Variants in INPP5B observed in about 807,000 individuals in gnomAD.
INPP5B encodes inositol polyphosphate-5-phosphatase B, also known as type II inositol 1,4,5-trisphosphate 5-phosphatase.
INPP5B carries 90 observed loss-of-function variants against 118.5 expected under a neutral mutation model. That is an observed-to-expected ratio of 0.76 (90% CI 0.64 to 0.90). The LOEUF (loss-of-function observed/expected upper bound fraction) is 0.90, where lower values mean the gene tolerates loss of function less well. INPP5B is among the 40% of genes least tolerant of loss of function. The probability of loss-of-function intolerance (pLI) is 0.00; values close to 1 mark genes in which losing one functional copy is unlikely to be tolerated. For synonymous variants in INPP5B, 385 were observed against 418.9 expected (o/e 0.92, Z 0.99); for missense variants, 984 against 1,125.6 (o/e 0.87, Z 1.80).
At chr1:37,925,759 T>C (rs899639798) in intron 7 of INPP5B, among the ~76,000 whole-genome samples, 2 of 152,006 alleles carry the variant, frequency 1.3e-5, no homozygotes, top group Non-Finnish European at 2.9e-5. Flanking sequence ...CAAACTGTTT[T>C]CAGAAGAAAA....
chr1:37,906,752 C>T (rs887250008), intron 7 of INPP5B, among the ~76,000 whole-genome samples: 8 of 151,240 alleles, frequency 5.3e-5, no homozygotes, highest in Non-Finnish European at 8.8e-5. Context: ...CCCAGATACT[C>T]GGGAGGTTGA....
In INPP5B at chr1:37,886,938, T is replaced by C; in HGVS notation, c.1081A>G (p.Ile361Val). The change falls in exon 12 of 24, where the codon ATC becomes GTC. Residue 361 changes from isoleucine (I) to valine (V), a missense_variant. By Grantham distance (29) the Ile-to-Val change is conservative (BLOSUM62 3). Coordinates refer to ENST00000373024, the MANE Select transcript of INPP5B (RefSeq NM_005540.3). ...ACAGTCTCGGCTTCCACTTCTGAGATATAAGCTGCATGCTCCTGTTTGACA... is the reference window on the plus strand; with the variant it reads ...ACAGTCTCGGCTTCCACTTCTGAGACATAAGCTGCATGCTCCTGTTTGACA... ...LYVKQEHAAY[I>V]SEVEAETVGT... 6.2e-7 allele frequency: 1 copy of C among 1,614,186 alleles called. No homozygotes were observed. Among genetic ancestry groups the C allele is most frequent in the South Asian group, 1.1e-5 (1 of 91,084 alleles).
At chr1:37,864,278 C>T in intron 23 of INPP5B, 34 bp downstream of exon 23, 1 of 1,230,114 alleles carries the variant, frequency 8.1e-7, no homozygotes, top group Non-Finnish European at 1.2e-6. Flanking sequence ...TCTCAGTTTG[C>T]AGAAATGCTT....
chr1:37,909,536 C>T (rs892399120), intron 7 of INPP5B, among the ~76,000 whole-genome samples: 34 of 152,160 alleles, frequency 2.2e-4, no homozygotes, highest in African/African-American at 6.3e-4. Context: ...CTTTATCCAA[C>T]CTCTCCCAAA....
rs770035940 is a variant in INPP5B at position 37,862,318 on chromosome 1, G to A, written c.2739C>T (p.Leu913=). Reference sequence around the variant, plus strand: ...TAAAATAGGAGGAGAGAGAGGCTCAGAGTGGGTTGCAGAGGAACTGGTGAA... The same window carrying A: ...TAAAATAGGAGGAGAGAGAGGCTCAAAGTGGGTTGCAGAGGAACTGGTGAA... The part of the protein sequence containing the change: ...EFIHQFLCNP[L] The change falls in exon 24 of 24, where the codon CTC becomes CTT. Residue 913 remains leucine, a synonymous_variant. Transcript: ENST00000373024. 4 of 1,604,692 alleles carry A rather than the reference G, an allele frequency of 2.5e-6. No individual in the cohort carries two copies. The Admixed American group carries it at 6.7e-5, about 27-fold the overall frequency.
chr1:37,919,106 C>T (rs773656470), intron 7 of INPP5B, among the ~76,000 whole-genome samples: 1 of 152,156 alleles, frequency 6.6e-6, no homozygotes, highest in Non-Finnish European at 1.5e-5. Context: ...TGCATGAGGA[C>T]ATCATCATCA....
At position 37,938,385 on chromosome 1, in the gene INPP5B, C is replaced by T. The variant is rs528309009; in HGVS notation, c.391+2303G>A. Among the ~76,000 whole-genome samples the T allele has an allele frequency of 7.2e-5, 11 of 152,060 alleles. No homozygotes were observed. The South Asian group carries it at 1.7e-3, about 23-fold the overall frequency. The stretch of plus-strand genomic sequence containing the variant: ...GAAAAGTTCTTGGAATAGTGCCTAA[C>T]GCATGCCAAATCAACAATGAATGTG... On this transcript the variant is annotated intron_variant, in intron 6 of 23. Coordinates refer to ENST00000373024, the MANE Select transcript of INPP5B (RefSeq NM_005540.3).
intron 20 of INPP5B, among the ~76,000 whole-genome samples, chr1:37,867,647 T>C (rs1305662196): frequency 6.6e-6 from 1 of 152,210 alleles, no homozygotes; most frequent in Non-Finnish European, 1.5e-5. Context: ...TAAGAATGTA[T>C]ATTTTTTTAA....
chr1:37,946,883 G>A (rs889484217), intron 1 of INPP5B, 107 bp downstream of exon 1: 3 of 153,594 alleles, frequency 2.0e-5, no homozygotes, highest in African/African-American at 7.2e-5. Flanking sequence ...TGCAGGCCGG[G>A]GGTTGGGGGG....
intron 6 of INPP5B, among the ~76,000 whole-genome samples, chr1:37,939,686 A>G (rs28626364): frequency 0.44 from 66,738 of 151,556 alleles, 17,212 homozygotes; most frequent in Non-Finnish European, 0.58. Flanking sequence ...CTGGTGATCC[A>G]CCCGCCTTGG....
At chr1:37,892,125 CCT>C (rs1271920333) in intron 7 of INPP5B, among the ~76,000 whole-genome samples, 1 of 152,202 alleles carries the variant, frequency 6.6e-6, no homozygotes, top group Non-Finnish European at 1.5e-5. Context: ...AGCCATCTAA[CCT>C]CTCTCAATCT....
intron 13 of INPP5B, chr1:37,883,592 C>T: frequency 1.0e-6 from 1 of 985,428 alleles, no homozygotes; most frequent in Non-Finnish European, 1.2e-6. Context: ...ATCTGCACAG[C>T]AGTACACGCA....
Position 37,891,425 on chromosome 1 carries a change from T to C in INPP5B, c.562A>G (p.Asn188Asp). 2 of 1,613,950 alleles carry C rather than the reference T, an allele frequency of 1.2e-6. No homozygotes were observed. Among genetic ancestry groups the C allele is most frequent in the Non-Finnish European group, 1.7e-6 (2 of 1,179,900 alleles). ...TGGTCCATAGGCACTCCCTTCCCAT[T>C]TGGTCTCAAACCATCAAAGTTAGAA... Reference protein sequence around the residue: ...GGSNFDGLRPNGKGVPMDQSS... With the variant: ...GGSNFDGLRPDGKGVPMDQSS... The change falls in exon 8 of 24, where the codon AAT (asparagine) becomes GAT (aspartate). Residue 188 changes from asparagine (N) to aspartate (D), a missense_variant. Around this residue, in one of 2 missense-constraint regions of INPP5B, gnomAD observed 350 missense variants for 334.6 expected, o/e 1.05. Transcript: ENST00000373024.
At chr1:37,894,064 A>C (rs1351285759) in intron 7 of INPP5B, among the ~76,000 whole-genome samples, 1 of 152,212 alleles carries the variant, frequency 6.6e-6, no homozygotes, top group Non-Finnish European at 1.5e-5. Flanking sequence ...ATTCTAACGA[A>C]ATGTTATTTA....
intron 7 of INPP5B, among the ~76,000 whole-genome samples, chr1:37,897,081 G>A (rs1177710567): frequency 1.8e-4 from 27 of 149,798 alleles, no homozygotes; most frequent in Non-Finnish European, 2.8e-4. Flanking sequence ...CCCTCTGCCC[G>A]GCCAGCCGCC....
intron 14 of INPP5B, 138 bp from the exon 15 acceptor site, chr1:37,880,332 T>TA: frequency 3.3e-6 from 2 of 602,676 alleles, no homozygotes; most frequent in Non-Finnish European, 5.8e-6. Context: ...TTCTGTAAGA[T>TA]CTTAAGTTAG....
At chr1:37,866,698 G>C (rs186075750) in intron 20 of INPP5B, among the ~76,000 whole-genome samples, 155 bp from the exon 21 acceptor site, 1 of 152,118 alleles carries the variant, frequency 6.6e-6, no homozygotes, top group African/African-American at 2.4e-5. Context: ...CTGATGTGGC[G>C]AATTCATCTT....
At chr1:37,864,584 G>A (rs537027614) in intron 22 of INPP5B, 161 bp from the exon 23 acceptor site, 19 of 502,596 alleles carry the variant, frequency 3.8e-5, no homozygotes, top group African/African-American at 2.0e-4. Flanking sequence ...AGAGAGGTAC[G>A]GGTCAAATGC....
At chr1:37,868,219 G>A (rs1157446470) in intron 20 of INPP5B, among the ~76,000 whole-genome samples, 16 of 151,736 alleles carry the variant, frequency 1.1e-4, no homozygotes, top group African/African-American at 2.4e-4. Flanking sequence ...AGACTGAGGC[G>A]GGAGAATCAC....
Sources: gnomAD v4.1 joint callset for allele counts (sites outside exome capture counted in the v4.1 genomes callset) on GRCh38, gnomAD v4.1.1 for gene constraint, gnomAD v4.1.1 regional missense constraint, MANE v1.5 for transcripts, NCBI Gene and HGNC (gene_info 2026-07-23, HGNC 2026-07-21) for gene names.